The following SLF1 variants were observed in gnomAD, a reference collection of about 807,000 sequenced individuals.
SLF1 encodes SMC5-SMC6 complex localization factor protein 1.
SLF1 carries 105 observed loss-of-function variants against 123.0 expected under a neutral mutation model. That is an observed-to-expected ratio of 0.85 (90% confidence interval 0.73 to 1.00). The LOEUF (loss-of-function observed/expected upper bound fraction) is 1.00, where lower values mean the gene tolerates loss of function less well. SLF1 is among the 50% of genes least tolerant of loss of function. The probability of loss-of-function intolerance (pLI) is 0.00; values close to 1 mark genes in which losing one functional copy is unlikely to be tolerated. For synonymous variants in SLF1, 434 were observed against 406.6 expected (o/e 1.07, Z -0.81); for missense variants, 1,239 against 1,223.0 (o/e 1.01, Z -0.20).
At chr5:94,686,953 A>C (rs1488791204) in intron 16 of SLF1, among the ~76,000 whole-genome samples, 6 of 151,780 alleles carry the variant, frequency 4.0e-5, no homozygotes, top group Non-Finnish European at 8.8e-5. Flanking sequence ...TACCCAGCTA[A>C]TTTTTTTGTA....
At chr5:94,686,510 G>C (rs1175705467) in intron 15 of SLF1, 63 bp from the exon 16 acceptor site, 21 of 1,545,550 alleles carry the variant, frequency 1.4e-5, no homozygotes, top group Non-Finnish European at 1.7e-5. Context: ...TAAGGAAATA[G>C]CCTATGGAAA....
chr5:94,652,089 C>T (rs765715491), intron 7 of SLF1, among the ~76,000 whole-genome samples: 7 of 151,550 alleles, frequency 4.6e-5, no homozygotes, highest in Non-Finnish European at 8.8e-5. Context: ...CTCACTGCAA[C>T]CTCTGCCTCC....
intron 4 of SLF1, among the ~76,000 whole-genome samples, chr5:94,637,415 A>G (rs546272096): frequency 1.3e-5 from 2 of 152,204 alleles, no homozygotes; most frequent in South Asian, 4.1e-4. Flanking sequence ...AATCAGGCAG[A>G]GCTGCAGGCT....
chr5:94,690,333 G>C (rs565434188), intron 18 of SLF1, among the ~76,000 whole-genome samples: 2 of 152,214 alleles, frequency 1.3e-5, no homozygotes, highest in East Asian at 3.9e-4. Flanking sequence ...AATAGTGACA[G>C]TGAAGCACTT....
intron 5 of SLF1, among the ~76,000 whole-genome samples, chr5:94,647,670 T>C (rs1457730257): frequency 6.6e-6 from 1 of 152,232 alleles, no homozygotes; most frequent in African/African-American, 2.4e-5. Flanking sequence ...GACACTAAGA[T>C]ACTTATAAGG....
In SLF1 at chr5:94,649,533, T is replaced by C. The variant is rs1747439943; in HGVS notation, c.674T>C (p.Phe225Ser). Residue 225 changes from phenylalanine (F) to serine (S), a missense_variant, in exon 6 of 21, where the codon TTC becomes TCC. By Grantham distance (155) the Phe-to-Ser change is radical. Transcript: ENST00000265140. The part of the protein sequence containing the change: ...EHSNEETNKD[F>S]RKDAGFLEMK... ...AGCAATGAAGAAACAAACAAAGATT[T>C]CAGGAAAGATGCAGGATTTCTTGAA... 4 of 1,541,432 alleles carry C rather than the reference T, an allele frequency of 2.6e-6. No individual in the cohort carries two copies. The African/African-American group carries it at 5.5e-5, about 21-fold the overall frequency.
intron 3 of SLF1, among the ~76,000 whole-genome samples, chr5:94,629,945 GACC>G (rs1745024075): frequency 6.6e-6 from 1 of 151,900 alleles, no homozygotes; most frequent in Non-Finnish European, 1.5e-5. Context: ...AGGAGTTTAA[GACC>G]AGCCTGGGCA....
At position 94,696,995 on chromosome 5, in the gene SLF1, A is replaced by G. The variant is rs868045465; in HGVS notation, c.*1683A>G. 2.6e-5 allele frequency: 4 copies of G among 152,062 alleles called. No homozygotes were observed. The Middle Eastern group carries it at 0.01, about 391-fold the overall frequency. The allele number at this position is 152,062 out of a possible 1,614,324, so 9.4% of individuals were successfully genotyped here. On this transcript the variant is annotated 3_prime_UTR_variant, in exon 21 of 21. Coordinates refer to ENST00000265140, the MANE Select transcript of SLF1 (RefSeq NM_032290.4). ...TTAAGTTGGTAGTAATTCTAAGGTA[A>G]TTAAGGAATCAACATCATGAGTTAG...
At chr5:94,685,780 A>G (rs1193157099) in intron 15 of SLF1, among the ~76,000 whole-genome samples, 1 of 151,562 alleles carries the variant, frequency 6.6e-6, no homozygotes, top group African/African-American at 2.4e-5. Context: ...GGTTGCAGTG[A>G]GCCGAGATCG....
At chr5:94,652,263 C>A (rs10037228) in intron 7 of SLF1, among the ~76,000 whole-genome samples, 38,213 of 152,062 alleles carry the variant, frequency 0.25, 5,145 homozygotes, top group Non-Finnish European at 0.29. Flanking sequence ...CCCACCTCCG[C>A]CTCCCAAAGT....
chr5:94,659,891 A>G (rs1748867124), intron 9 of SLF1, among the ~76,000 whole-genome samples: 1 of 151,934 alleles, frequency 6.6e-6, no homozygotes. Flanking sequence ...GGCATTCGTG[A>G]TGGCAGTAGT....
At chr5:94,658,705 T>C (rs1287127596) in intron 9 of SLF1, among the ~76,000 whole-genome samples, 1 of 152,218 alleles carries the variant, frequency 6.6e-6, no homozygotes. Context: ...TTTTCAGCTA[T>C]TGTTTTTAAA....
At chr5:94,641,891 C>T (rs1167381439) in intron 4 of SLF1, among the ~76,000 whole-genome samples, 1 of 152,184 alleles carries the variant, frequency 6.6e-6, no homozygotes, top group African/African-American at 2.4e-5. Flanking sequence ...TCCGGCCTCT[C>T]CCCCAGTATT....
At chr5:94,654,997 A>G (rs1748207177) in intron 9 of SLF1, among the ~76,000 whole-genome samples, 1 of 152,336 alleles carries the variant, frequency 6.6e-6, no homozygotes, top group South Asian at 2.1e-4. Flanking sequence ...AGTCTTGGCC[A>G]TAAATTCTTT....
intron 12 of SLF1, among the ~76,000 whole-genome samples, chr5:94,666,319 A>G (rs1223131467): frequency 1.3e-5 from 2 of 152,240 alleles, no homozygotes. Flanking sequence ...TTTTAAATGA[A>G]GAAAATTAAT....
At chr5:94,663,363 G>C (rs1749355335) in intron 10 of SLF1, among the ~76,000 whole-genome samples, 1 of 152,220 alleles carries the variant, frequency 6.6e-6, no homozygotes, top group Admixed American at 6.5e-5. Context: ...TTGTTACTAG[G>C]CTGGGTGCAG....
In SLF1 at chr5:94,667,087, A is replaced by G. The variant is rs909350723; in HGVS notation, c.1532+1063A>G. On this transcript the variant is annotated intron_variant, in intron 12 of 20. Coordinates refer to ENST00000265140, the MANE Select transcript of SLF1 (RefSeq NM_032290.4). ...TTGAGATCATAAAGATTCACATACC[A>G]TCTTGGTTGTGATATATTTAAAGTG... Among the ~76,000 whole-genome samples the G allele has an allele frequency of 6.6e-5, 10 of 151,326 alleles. No homozygotes were observed. The Admixed American group carries it at 6.6e-4, about 10-fold the overall frequency.
At chr5:94,628,237 C>T (rs1214895380) in intron 1 of SLF1, among the ~76,000 whole-genome samples, 3 of 152,112 alleles carry the variant, frequency 2.0e-5, no homozygotes, top group Non-Finnish European at 4.4e-5. Context: ...CCACTGCGTC[C>T]AGGGTTCAAG....
chr5:94,663,873 T>G lies in SLF1; in HGVS notation c.1333T>G (p.Cys445Gly). The part of the protein sequence containing the change: ...TLQAHYIPPV[C>G]VLHALLENVL... ...GCAGGCACATTATATCCCTCCTGTA[T>G]GCGTTCTTCATGCCCTTCTAGAGAA... Residue 445 changes from cysteine (C) to glycine (G), a missense_variant, in exon 11 of 21, where the codon TGC (cysteine) becomes GGC (glycine). Cys to Gly is a radical substitution (Grantham distance 159). Coordinates refer to ENST00000265140, the MANE Select transcript of SLF1 (RefSeq NM_032290.4). 1.3e-6 allele frequency: 2 copies of G among 1,546,340 alleles called. No individual in the cohort carries two copies. Among genetic ancestry groups the G allele is most frequent in the Non-Finnish European group, 1.7e-6 (2 of 1,145,432 alleles).
Sources: allele counts gnomAD v4.1 joint callset (sites outside exome capture counted in the v4.1 genomes callset), GRCh38; gene constraint gnomAD v4.1.1; transcripts MANE v1.5; gene names NCBI Gene and HGNC (gene_info 2026-07-23, HGNC 2026-07-21).